RBMS3: variants seen among roughly 807,000 people sequenced by gnomAD.
The protein encoded by RBMS3 is RNA-binding motif, single-stranded-interacting protein 3.
RBMS3 carries 27 observed loss-of-function variants against 66.8 expected under a neutral mutation model. The observed-to-expected ratio is 0.40, with a 90% CI of 0.30 to 0.56. The LOEUF is 0.56. Ranked by LOEUF, RBMS3 falls within the 20% of genes least tolerant of loss-of-function variation. The pLI is 0.40. For synonymous variants in RBMS3, 188 were observed against 183.0 expected (o/e 1.03, Z -0.22); for missense variants, 513 against 549.5 (o/e 0.93, Z 0.66).
intron 4 of RBMS3, among the ~76,000 whole-genome samples, chr3:29,719,718 A>G (rs1465839357): frequency 6.6e-6 from 1 of 152,188 alleles, no homozygotes; most frequent in South Asian, 2.1e-4. Flanking sequence ...CAAAACCCTG[A>G]GATCATCCTT....
At chr3:29,296,718 G>T (rs1267476483) in intron 1 of RBMS3, among the ~76,000 whole-genome samples, 1 of 151,762 alleles carries the variant, frequency 6.6e-6, no homozygotes, top group East Asian at 1.9e-4. Flanking sequence ...TCTCCTAGAA[G>T]AAAAGTTAGA....
At chr3:29,495,578 A>T (rs2043717039) in intron 3 of RBMS3, among the ~76,000 whole-genome samples, 1 of 150,960 alleles carries the variant, frequency 6.6e-6, no homozygotes, top group African/African-American at 2.4e-5. Flanking sequence ...ACCATGCCCC[A>T]TTAATTTTTT....
chr3:29,943,588 G>A (rs993823089), intron 11 of RBMS3, among the ~76,000 whole-genome samples: 2 of 151,722 alleles, frequency 1.3e-5, no homozygotes, highest in East Asian at 1.9e-4. Context: ...TAACCGTCAC[G>A]TTCAATAGAT....
intron 6 of RBMS3, among the ~76,000 whole-genome samples, chr3:29,807,852 C>T (rs1273639568): frequency 6.6e-6 from 1 of 151,550 alleles, no homozygotes; most frequent in Non-Finnish European, 1.5e-5. Flanking sequence ...ATAGTAATTT[C>T]ATCTTCTAAA....
chr3:29,737,198 A>G (rs1468128143), intron 4 of RBMS3, among the ~76,000 whole-genome samples: 1 of 151,856 alleles, frequency 6.6e-6, no homozygotes, highest in Non-Finnish European at 1.5e-5. Context: ...GGTGGTCTCG[A>G]CCTCCTGACC....
At chr3:29,994,341 T>C (rs374620164) in intron 14 of RBMS3, among the ~76,000 whole-genome samples, 4 of 152,134 alleles carry the variant, frequency 2.6e-5, no homozygotes, top group Non-Finnish European at 5.9e-5. Context: ...AAGGCGGCAG[T>C]GAGGCTGGGG....
intron 1 of RBMS3, among the ~76,000 whole-genome samples, chr3:29,428,711 C>A (rs1374641640): frequency 6.6e-6 from 1 of 152,052 alleles, no homozygotes; most frequent in South Asian, 2.1e-4. Flanking sequence ...ACAAAGCACA[C>A]TAAATGAATC....
chr3:29,670,473 C>A (rs933435279), intron 4 of RBMS3, among the ~76,000 whole-genome samples: 3 of 152,090 alleles, frequency 2.0e-5, no homozygotes, highest in Admixed American at 2.0e-4. Flanking sequence ...TCGGGAATCA[C>A]AAGGGGTCAG....
At chr3:29,639,969 G>C (rs2049634698) in intron 4 of RBMS3, among the ~76,000 whole-genome samples, 1 of 151,750 alleles carries the variant, frequency 6.6e-6, no homozygotes, top group East Asian at 1.9e-4. Context: ...TAAACTTTTT[G>C]CTATAATGTG....
At chr3:29,397,460 C>G (rs937788415) in intron 1 of RBMS3, among the ~76,000 whole-genome samples, 9 of 152,060 alleles carry the variant, frequency 5.9e-5, no homozygotes, top group African/African-American at 2.2e-4. Context: ...TGGTTTTAAA[C>G]GCTTACTGTG....
At chr3:29,465,167 A>G (rs1456783256) in intron 2 of RBMS3, among the ~76,000 whole-genome samples, 1 of 152,250 alleles carries the variant, frequency 6.6e-6, no homozygotes, top group African/African-American at 2.4e-5. Flanking sequence ...CTTTGAAGAT[A>G]GAAAGTGGAA....
intron 2 of RBMS3, among the ~76,000 whole-genome samples, chr3:29,471,045 C>G (rs992279044): frequency 2.0e-5 from 3 of 152,066 alleles, no homozygotes; most frequent in Non-Finnish European, 1.5e-5. Context: ...ACTTAAAAGT[C>G]ACGTGGACAG....
At chr3:29,775,030 AAAAAC>A (rs1282013324) in intron 6 of RBMS3, among the ~76,000 whole-genome samples, 1 of 151,896 alleles carries the variant, frequency 6.6e-6, no homozygotes, top group East Asian at 1.9e-4. Flanking sequence ...GACAAAAACA[AAAAAC>A]AAACATAGAA....
chr3:29,749,954 G>A (rs1205263415), intron 5 of RBMS3, among the ~76,000 whole-genome samples: 1 of 152,088 alleles, frequency 6.6e-6, no homozygotes, highest in African/African-American at 2.4e-5. Context: ...GAAGAAATCA[G>A]CTAAAGAGAA....
chr3:29,739,671 GT>G, intron 4 of RBMS3, 48 bp from the exon 5 acceptor site: 1 of 1,458,724 alleles, frequency 6.9e-7, no homozygotes, highest in South Asian at 1.4e-5. Flanking sequence ...TTTGTACAAT[GT>G]TTCTCAATAC....
chr3:29,564,569 G>T (rs1576240212), intron 3 of RBMS3, among the ~76,000 whole-genome samples: 2 of 151,874 alleles, frequency 1.3e-5, no homozygotes, highest in East Asian at 3.9e-4. Context: ...TAAAGTTATA[G>T]GACTTAAATG....
At chr3:29,866,158 G>A (rs1317305597) in intron 6 of RBMS3, among the ~76,000 whole-genome samples, 2 of 149,990 alleles carry the variant, frequency 1.3e-5, no homozygotes, top group African/African-American at 2.5e-5. Context: ...GTAGAAAGAA[G>A]CTTCTGACTG....
chr3:29,697,757 G>T (rs2052346906), intron 4 of RBMS3, among the ~76,000 whole-genome samples: 1 of 152,128 alleles, frequency 6.6e-6, no homozygotes, highest in African/African-American at 2.4e-5. Context: ...GTAATTTTGG[G>T]CATGAAACAA....
chr3:29,629,993 A>T (rs572974285), intron 4 of RBMS3, among the ~76,000 whole-genome samples: 77 of 152,218 alleles, frequency 5.1e-4, no homozygotes, highest in African/African-American at 1.7e-3. Context: ...AAACAGAAAA[A>T]GATAGGATGT....
Sources: gnomAD v4.1 joint callset for allele counts (sites outside exome capture counted in the v4.1 genomes callset) on GRCh38, gnomAD v4.1.1 for gene constraint, MANE v1.5 for transcripts, NCBI Gene and HGNC (gene_info 2026-07-23, HGNC 2026-07-21) for gene names.